ANKRD45: variants seen among roughly 807,000 people sequenced by gnomAD.
The protein encoded by ANKRD45 is ankyrin repeat domain-containing protein 45.
Under a neutral mutation model 28.1 loss-of-function variants are expected in ANKRD45, and 21 were observed. The ratio of observed to expected loss-of-function variants is 0.75; its 90% CI spans 0.53 to 1.08. The LOEUF (loss-of-function observed/expected upper bound fraction) is 1.08, where lower values mean the gene tolerates loss of function less well. ANKRD45 is among the 50% of genes least tolerant of loss of function. The pLI, the probability that ANKRD45 is intolerant of heterozygous loss-of-function variation, is 0.00. For synonymous variants in ANKRD45, 86 were observed against 103.9 expected (o/e 0.83, Z 1.05); for missense variants, 261 against 308.7 (o/e 0.85, Z 1.16).
chr1:173,660,271 A>G (rs1424167187), intron 1 of ANKRD45, among the ~76,000 whole-genome samples: 1 of 152,190 alleles, frequency 6.6e-6, no homozygotes, highest in Admixed American at 6.5e-5. Flanking sequence ...GATTCAGAGA[A>G]GAGTACCAGA....
chr1:173,631,203 G>GA (rs1273785950), intron 3 of ANKRD45, among the ~76,000 whole-genome samples: 1 of 151,922 alleles, frequency 6.6e-6, no homozygotes, highest in Non-Finnish European at 1.5e-5. Flanking sequence ...TAGATTTCAA[G>GA]AAAAAAACTA....
intron 3 of ANKRD45, among the ~76,000 whole-genome samples, chr1:173,645,156 T>C (rs1047804114): frequency 3.3e-5 from 5 of 152,204 alleles, no homozygotes; most frequent in African/African-American, 1.2e-4. Context: ...AATATTTAGT[T>C]CAAGTGGACA....
chr1:173,691,560 TG>T, the ANKRD45 span, among the ~76,000 whole-genome samples: 1 of 152,040 alleles, frequency 6.6e-6, no homozygotes, highest in South Asian at 2.1e-4. Context: ...CCAAGATGGG[TG>T]GATCACGAGG....
chr1:173,637,478 C>A (rs1224174840), intron 3 of ANKRD45, among the ~76,000 whole-genome samples: 1 of 152,228 alleles, frequency 6.6e-6, no homozygotes, highest in Non-Finnish European at 1.5e-5. Flanking sequence ...AGCATGAGGT[C>A]ATAGCCTGTT....
intron 5 of ANKRD45, chr1:173,612,705 C>CGAG (rs1169655306): frequency 6.3e-6 from 1 of 157,820 alleles, no homozygotes; most frequent in African/African-American, 2.4e-5. Flanking sequence ...ATTCTTCTGC[C>CGAG]TCAGCCTGCC....
intron 2 of ANKRD45, chr1:173,657,296 CT>C (rs1331967866): frequency 3.1e-6 from 1 of 318,040 alleles, no homozygotes; most frequent in Non-Finnish European, 6.5e-6. Flanking sequence ...GCAAAACCCC[CT>C]CTCCACTAAA....
chr1:173,694,376 T>C, the ANKRD45 span, among the ~76,000 whole-genome samples: 1 of 151,810 alleles, frequency 6.6e-6, no homozygotes, highest in African/African-American at 2.4e-5. Context: ...TATTGGTCAG[T>C]TGGTCTCAAA....
chr1:173,662,192 A>G (rs1019872075), intron 1 of ANKRD45, among the ~76,000 whole-genome samples: 5 of 152,234 alleles, frequency 3.3e-5, no homozygotes, highest in Non-Finnish European at 7.4e-5. Context: ...GTGGTGGTCC[A>G]CAGGCCATAG....
the ANKRD45 span, among the ~76,000 whole-genome samples, chr1:173,701,482 T>A: frequency 2.0e-5 from 3 of 152,188 alleles, no homozygotes; most frequent in Non-Finnish European, 4.4e-5. Flanking sequence ...TGGAATACTA[T>A]GCAGCCATAA....
intron 5 of ANKRD45, among the ~76,000 whole-genome samples, chr1:173,616,326 C>G (rs1440605827): frequency 6.6e-6 from 1 of 151,608 alleles, no homozygotes; most frequent in Non-Finnish European, 1.5e-5. Context: ...TGCCCTGCCC[C>G]CAGAAAAAAA....
At chr1:173,673,260 A>G (rs531135084), upstream of ANKRD45, among the ~76,000 whole-genome samples, 3 of 152,042 alleles carry the variant, frequency 2.0e-5, no homozygotes, top group South Asian at 6.2e-4. Context: ...ACAGGCACAC[A>G]TCACCACGCC....
the ANKRD45 span, among the ~76,000 whole-genome samples, chr1:173,692,652 C>G: frequency 6.6e-6 from 1 of 152,124 alleles, no homozygotes; most frequent in Non-Finnish European, 1.5e-5. Context: ...TGCTTCATTT[C>G]AAAAACATAA....
chr1:173,648,583 G>GC (rs1417174985), intron 2 of ANKRD45, among the ~76,000 whole-genome samples: 1 of 152,160 alleles, frequency 6.6e-6, no homozygotes, highest in Non-Finnish European at 1.5e-5. Context: ...AGGAGCACCT[G>GC]CAACACTTAG....
chr1:173,629,428 T>A (rs1290053597), intron 3 of ANKRD45, among the ~76,000 whole-genome samples: 1 of 151,946 alleles, frequency 6.6e-6, no homozygotes, highest in Non-Finnish European at 1.5e-5. Context: ...GAATTCAGAA[T>A]CCTATCAGAT....
chr1:173,691,921 T>C, the ANKRD45 span, among the ~76,000 whole-genome samples: 4 of 152,216 alleles, frequency 2.6e-5, no homozygotes, highest in African/African-American at 9.6e-5. Flanking sequence ...TATTCCCCTA[T>C]TGGCGAGGAT....
chr1:173,629,717 A>T (rs1225875340), intron 3 of ANKRD45, among the ~76,000 whole-genome samples: 2 of 152,132 alleles, frequency 1.3e-5, no homozygotes, highest in African/African-American at 2.4e-5. Flanking sequence ...GAGGAGGTAG[A>T]GAGAGAGCAG....
At chr1:173,666,625 TACAAAC>T (rs1174103734) in intron 1 of ANKRD45, among the ~76,000 whole-genome samples, 1 of 152,210 alleles carries the variant, frequency 6.6e-6, no homozygotes, top group Non-Finnish European at 1.5e-5. Context: ...ATACGTTTAG[TACAAAC>T]ACAACCATCC....
the ANKRD45 span, among the ~76,000 whole-genome samples, chr1:173,712,125 C>T: frequency 3.3e-5 from 5 of 152,122 alleles, no homozygotes; most frequent in Non-Finnish European, 7.4e-5. Context: ...AATCTGAATG[C>T]CACTTTCACA....
At chr1:173,652,286 T>C (rs1158342409) in intron 2 of ANKRD45, among the ~76,000 whole-genome samples, 3 of 152,248 alleles carry the variant, frequency 2.0e-5, no homozygotes, top group Non-Finnish European at 4.4e-5. Flanking sequence ...AACTAGTTTA[T>C]TGAGAGTTTT....
Sources: gnomAD v4.1 joint callset for allele counts (sites outside exome capture counted in the v4.1 genomes callset) on GRCh38, gnomAD v4.1.1 for gene constraint, MANE v1.5 for transcripts, NCBI Gene and HGNC (gene_info 2026-07-23, HGNC 2026-07-21) for gene names.